Variants in MAD1L1 observed in about 807,000 individuals in gnomAD.
MAD1L1 encodes mitotic arrest deficient 1 like 1, also known as mitotic spindle assembly checkpoint protein MAD1.
A neutral mutation model predicts 96.9 loss-of-function variants in MAD1L1; 95 were observed. That is an observed-to-expected ratio of 0.98 (90% CI 0.83 to 1.16). The LOEUF is 1.16. Among genes scored for constraint, MAD1L1 ranks in the 50% most tolerant of loss-of-function variants. MAD1L1 has a pLI of 0.00. For missense variants in MAD1L1, 1,007 were observed against 954.4 expected, an observed-to-expected ratio of 1.06 and a Z score of -0.73; for synonymous variants, 473 against 396.6, an observed-to-expected ratio of 1.19 and a Z score of -2.29.
chr7:1,965,129 C>G (rs1292731301), intron 15 of MAD1L1, among the ~76,000 whole-genome samples: 1 of 152,220 alleles, frequency 6.6e-6, no homozygotes, highest in Non-Finnish European at 1.5e-5. Context: ...CATTGATGAC[C>G]ATTTCCCTTG....
intron 11 of MAD1L1, among the ~76,000 whole-genome samples, chr7:2,130,001 G>C (rs916236497): frequency 1.3e-5 from 2 of 152,196 alleles, no homozygotes; most frequent in South Asian, 4.1e-4. Context: ...CCAACAGAGG[G>C]GCAGGGATGG....
intron 12 of MAD1L1, among the ~76,000 whole-genome samples, chr7:2,016,126 C>A (rs1417487351): frequency 1.3e-5 from 2 of 152,202 alleles, no homozygotes; most frequent in Non-Finnish European, 2.9e-5. Flanking sequence ...AACTGTCCAG[C>A]CAGCTGCCCT....
chr7:2,198,138 T>C (rs1031198473), intron 10 of MAD1L1, among the ~76,000 whole-genome samples: 9 of 151,368 alleles, frequency 5.9e-5, no homozygotes, highest in African/African-American at 2.2e-4. Flanking sequence ...TTTTTAAAAA[T>C]AGAGATAGGG....
chr7:2,208,574 C>T (rs112165360), intron 10 of MAD1L1, among the ~76,000 whole-genome samples: 2,252 of 152,316 alleles, frequency 0.015, 27 homozygotes, highest in Admixed American at 0.03. Context: ...CTCTTCCTAG[C>T]TTGCTGAGAA....
At chr7:1,952,175 T>C (rs1481866152) in intron 16 of MAD1L1, among the ~76,000 whole-genome samples, 1 of 152,216 alleles carries the variant, frequency 6.6e-6, no homozygotes, top group African/African-American at 2.4e-5. Context: ...CCTTCAGCCC[T>C]TGTGGGCAGA....
rs538767945 is a variant in MAD1L1 at position 1,938,203 on chromosome 7, C to T, written c.1597-1306G>A. 2.3e-5 allele frequency among the ~76,000 whole-genome samples: 3 copies of T among 128,222 alleles called. 1 individual carries two copies. The highest frequency in any genetic ancestry group is 3.3e-5 in the Non-Finnish European group (2 of 61,098). 84.1% of individuals were successfully genotyped at this position (128,222 alleles called of 152,430 possible). On this transcript the variant is annotated intron_variant, in intron 16 of 18. Coordinates refer to ENST00000265854, the MANE Select transcript of MAD1L1 (RefSeq NM_001013836.2). ...GCCACACACAAACATCAGCCGCCCA[C>T]GGCAGGGAGCTGCAGGGTTACTGCG... is the stretch of plus-strand genomic sequence containing the variant.
At chr7:1,823,643 C>A (rs1332077201) in intron 18 of MAD1L1, among the ~76,000 whole-genome samples, 1 of 152,194 alleles carries the variant, frequency 6.6e-6, no homozygotes, top group African/African-American at 2.4e-5. Flanking sequence ...CCAGAACAGA[C>A]CTCACCAGGC....
At chr7:1,947,268 C>T (rs1779272709) in intron 16 of MAD1L1, among the ~76,000 whole-genome samples, 1 of 152,194 alleles carries the variant, frequency 6.6e-6, no homozygotes, top group Non-Finnish European at 1.5e-5. Context: ...AGGCTGCCTC[C>T]AGCAAGGCCC....
Position 2,060,300 on chromosome 7 carries a change from CCGA to C in MAD1L1, c.1218+8891_1218+8893del, listed in dbSNP as rs1359039323. The stretch of plus-strand genomic sequence containing the variant: ...CGAGATACGCCGATCCCGAGATACG[CCGA>C]TCCCGAGATACGCCGATGCTGAGAT... On this transcript the variant is annotated intron_variant, in intron 12 of 18. Coordinates refer to ENST00000265854, the MANE Select transcript of MAD1L1 (RefSeq NM_001013836.2). Among the ~76,000 whole-genome samples, 57 of 148,632 alleles carry C rather than the reference CCGA, an allele frequency of 3.8e-4. 1 individual carries two copies. In the South Asian group the frequency reaches 0.012, roughly 32 times the overall value.
intron 10 of MAD1L1, among the ~76,000 whole-genome samples, chr7:2,200,977 C>T (rs901663116): frequency 2.7e-5 from 4 of 148,210 alleles, no homozygotes; most frequent in East Asian, 2.1e-4. Context: ...ACCCAGGCCA[C>T]GCAGGGTAGG....
intron 17 of MAD1L1, among the ~76,000 whole-genome samples, chr7:1,917,417 G>A (rs1788478139): frequency 6.6e-6 from 1 of 152,164 alleles, no homozygotes; most frequent in South Asian, 2.1e-4. Flanking sequence ...CCCACCCCGG[G>A]TGAAGGGCGC....
chr7:2,071,678 G>A (rs71525358), intron 11 of MAD1L1, among the ~76,000 whole-genome samples: 2 of 152,204 alleles, frequency 1.3e-5, no homozygotes, highest in Non-Finnish European at 2.9e-5. Flanking sequence ...ATGAGCAGGG[G>A]CGGAGTCAAT....
chr7:2,125,370 C>A (rs1019672516), intron 11 of MAD1L1, among the ~76,000 whole-genome samples: 1 of 152,290 alleles, frequency 6.6e-6, no homozygotes, highest in African/African-American at 2.4e-5. Context: ...GAGCCACCCA[C>A]GCATCCTTCC....
At chr7:1,996,633 G>A (rs1781574341) in intron 14 of MAD1L1, among the ~76,000 whole-genome samples, 1 of 152,238 alleles carries the variant, frequency 6.6e-6, no homozygotes, top group African/African-American at 2.4e-5. Flanking sequence ...TGGGGGACGG[G>A]AAGCAGCCTG....
rs184833511 is a variant in MAD1L1 at position 2,172,323 on chromosome 7, C to T, written c.987-23085G>A. Among the ~76,000 whole-genome samples the T allele has an allele frequency of 3.1e-4, 47 of 152,250 alleles. No individual in the cohort carries two copies. The East Asian group carries it at 8.1e-3, about 26-fold the overall frequency. ...GGACGTGTCTGGCCCAAGATTACAC[C>T]GCTGGGAAGCTGCAGAATCCCATGT... On this transcript the variant is annotated intron_variant, in intron 10 of 18. Transcript: ENST00000265854.
chr7:2,199,533 C>A (rs1792170680), intron 10 of MAD1L1, among the ~76,000 whole-genome samples: 2 of 152,266 alleles, frequency 1.3e-5, no homozygotes, highest in Non-Finnish European at 2.9e-5. Context: ...TTTTCTTAAT[C>A]ATCTTAGAAT....
chr7:2,138,690 A>C (rs1788877324), intron 11 of MAD1L1, among the ~76,000 whole-genome samples: 1 of 152,184 alleles, frequency 6.6e-6, no homozygotes. Context: ...ACTGAGAGGA[A>C]GGCCAGCACT....
At chr7:2,136,772 T>C (rs1788773678) in intron 11 of MAD1L1, among the ~76,000 whole-genome samples, 1 of 152,116 alleles carries the variant, frequency 6.6e-6, no homozygotes, top group African/African-American at 2.4e-5. Context: ...AAGGAAAGCG[T>C]ACTCCAATCG....
At chr7:1,980,602 C>A in intron 14 of MAD1L1, 61 bp from the exon 15 acceptor site, 2 of 1,410,364 alleles carry the variant, frequency 1.4e-6, no homozygotes, top group East Asian at 2.4e-5. Context: ...GTGTGGGGAA[C>A]CCCAGCCCAG....
Sources: gnomAD v4.1 joint callset for allele counts (sites outside exome capture counted in the v4.1 genomes callset) on GRCh38, gnomAD v4.1.1 for gene constraint, MANE v1.5 for transcripts, NCBI Gene and HGNC (gene_info 2026-07-23, HGNC 2026-07-21) for gene names.